SEPHS1: variants seen among roughly 807,000 people sequenced by gnomAD.
The protein encoded by SEPHS1 is zincore component SEPHS1.
In SEPHS1, 7 loss-of-function variants were observed where a neutral mutation model predicts 39.2. That is an observed-to-expected ratio of 0.18 (90% confidence interval 0.10 to 0.34). SEPHS1 has a LOEUF of 0.34. Ranked by LOEUF, SEPHS1 falls within the 10% of genes least tolerant of loss-of-function variation. The pLI is 1.00. For synonymous variants in SEPHS1, 190 were observed against 195.5 expected, an observed-to-expected ratio of 0.97 and a Z score of 0.23; for missense variants, 253 against 514.5, an observed-to-expected ratio of 0.49 and a Z score of 4.92.
chr10:13,333,793 G>C lies in SEPHS1; in HGVS notation c.560+24C>G, dbSNP rs1432856734. On this transcript the variant is annotated intron_variant, in intron 5 of 8. Transcript: ENST00000327347. The stretch of plus-strand genomic sequence containing the variant: ...ACAGAGAGAGAAAAACAGGTCAGGT[G>C]ATATGAAACAAAAATCAACTTACAT... The C allele has an allele frequency of 1.9e-6, 3 of 1,610,598 alleles. No individual in the cohort carries two copies. In the African/African-American group the frequency reaches 4.0e-5, roughly 22 times the overall value.
At chr10:13,324,118 C>T (rs1157391251) in intron 7 of SEPHS1, among the ~76,000 whole-genome samples, 1 of 152,208 alleles carries the variant, frequency 6.6e-6, no homozygotes, top group Non-Finnish European at 1.5e-5. Context: ...CTCTGGCCAC[C>T]ACTGATCCTT....
At chr10:13,332,706 G>A (rs1043516218) in intron 5 of SEPHS1, among the ~76,000 whole-genome samples, 3 of 152,070 alleles carry the variant, frequency 2.0e-5, no homozygotes, top group African/African-American at 7.2e-5. Flanking sequence ...AGCCGGGCAT[G>A]GTGGCAGGTG....
intron 8 of SEPHS1, among the ~76,000 whole-genome samples, chr10:13,321,232 G>C (rs1431332223): frequency 6.7e-6 from 1 of 149,086 alleles, no homozygotes; most frequent in Non-Finnish European, 1.5e-5. Context: ...TGGGAGGCTG[G>C]GGCTAGGCAT....
At chr10:13,322,236 G>A (rs939162954) in intron 8 of SEPHS1, among the ~76,000 whole-genome samples, 4 of 151,436 alleles carry the variant, frequency 2.6e-5, no homozygotes, top group Non-Finnish European at 5.9e-5. Flanking sequence ...CTGTCTCCCA[G>A]GTTCAAGTGA....
intron 1 of SEPHS1, among the ~76,000 whole-genome samples, chr10:13,346,646 G>C (rs201809619): frequency 8.6e-5 from 13 of 151,448 alleles, no homozygotes; most frequent in Non-Finnish European, 1.5e-5. Context: ...CTTGGAAGGC[G>C]TTTTCAACAA....
chr10:13,329,686 T>G lies in SEPHS1; in HGVS notation c.651+12A>C. 6.3e-7 allele frequency: 1 copy of G among 1,588,014 alleles called. No individual in the cohort carries two copies. The highest frequency in any genetic ancestry group is 1.7e-4 in the Middle Eastern group (1 of 6,030). ...ATTCCCCTCCCTCCCATCACAGCAG[T>G]GGTTTACTCACGATATCCAGCCACT... On this transcript the variant is annotated intron_variant, in intron 6 of 8. Transcript: ENST00000327347.
At chr10:13,338,370 A>G (rs1833700342) in intron 3 of SEPHS1, among the ~76,000 whole-genome samples, 1 of 152,216 alleles carries the variant, frequency 6.6e-6, no homozygotes. Flanking sequence ...CCAATGTCAA[A>G]GAAGAGAAGG....
chr10:13,347,481 C>T (rs1394008822), intron 1 of SEPHS1: 1 of 148,562 alleles, frequency 6.7e-6, no homozygotes, highest in Non-Finnish European at 1.5e-5. Flanking sequence ...GCCGGGCCAT[C>T]CCTGTTCGGG....
intron 8 of SEPHS1, among the ~76,000 whole-genome samples, chr10:13,322,277 G>A (rs1175221216): frequency 2.6e-5 from 4 of 151,746 alleles, no homozygotes; most frequent in South Asian, 2.1e-4. Flanking sequence ...AAGCAGCTGG[G>A]ATTAAAGGCA....
chr10:13,322,151 T>C, intron 8 of SEPHS1: 1 of 405,462 alleles, frequency 2.5e-6, no homozygotes, highest in Non-Finnish European at 4.8e-6. Context: ...TTCTTTTTTT[T>C]TTTTTTTTAA....
intron 2 of SEPHS1, among the ~76,000 whole-genome samples, chr10:13,342,800 A>T (rs1042840107): frequency 4.8e-4 from 73 of 151,322 alleles, no homozygotes; most frequent in African/African-American, 1.6e-3. Flanking sequence ...CAGTGGTGTG[A>T]CCTCAGCTCA....
At chr10:13,344,625 T>C (rs1833876842) in intron 2 of SEPHS1, 133 bp downstream of exon 2, 5 of 586,932 alleles carry the variant, frequency 8.5e-6, no homozygotes, top group African/African-American at 1.9e-5. Context: ...CAAAACTGCA[T>C]GTGTATTCCT....
intron 2 of SEPHS1, among the ~76,000 whole-genome samples, chr10:13,341,176 G>A (rs1833772346): frequency 6.6e-6 from 1 of 152,114 alleles, no homozygotes; most frequent in East Asian, 1.9e-4. Flanking sequence ...CACATTTCAA[G>A]GAAGGAAGAG....
At chr10:13,321,676 A>T (rs770370997) in intron 8 of SEPHS1, among the ~76,000 whole-genome samples, 5 of 152,240 alleles carry the variant, frequency 3.3e-5, no homozygotes, top group Non-Finnish European at 7.3e-5. Flanking sequence ...GTAAAGGTAA[A>T]GGGAACAAAG....
intron 2 of SEPHS1, among the ~76,000 whole-genome samples, chr10:13,342,178 G>A (rs1249471535): frequency 2.4e-4 from 36 of 150,806 alleles, no homozygotes; most frequent in Non-Finnish European, 3.5e-4. Flanking sequence ...GAGGCAGGAG[G>A]ATGGCGTGAA....
chr10:13,327,599 G>A (rs746918342), intron 7 of SEPHS1, among the ~76,000 whole-genome samples: 1 of 152,110 alleles, frequency 6.6e-6, no homozygotes, highest in Admixed American at 6.6e-5. Flanking sequence ...ATTAAAAAAC[G>A]CTTTCTAAAC....
rs746552358 is a variant in SEPHS1, at chr10:13,338,699, G to A, written c.297+6C>T. The A allele has an allele frequency of 3.1e-5, 50 of 1,608,666 alleles. 2 individuals carry two copies. The highest frequency in any genetic ancestry group is 2.5e-4 in the South Asian group (23 of 90,962). On this transcript the variant is annotated splice_donor_region_variant and intron_variant, in intron 3 of 8. Transcript: ENST00000327347. ...CAGTCACAAAAACACATCGGCTCAC[G>A]CTTACCATCATGTAAGGGTCGTCTA...
At position 13,317,705 on chromosome 10, in the gene SEPHS1, A is replaced by C. The variant is rs1379021391; in HGVS notation, c.*1437T>G. On this transcript the variant is annotated 3_prime_UTR_variant, in exon 9 of 9. Transcript: ENST00000327347. ...GGGTCATTTCCTTTGGCAAGAAGTCAGTTTACATGTGCAGCTTTGGTGCCT... is the reference window on the plus strand; with the variant it reads ...GGGTCATTTCCTTTGGCAAGAAGTCCGTTTACATGTGCAGCTTTGGTGCCT... 6.6e-6 allele frequency: 1 copy of C among 152,196 alleles called. No individual in the cohort carries two copies. The highest frequency in any genetic ancestry group is 1.5e-5 in the Non-Finnish European group (1 of 68,036). 9.4% of individuals were successfully genotyped at this position (152,196 alleles called of 1,614,324 possible).
At position 13,338,786 on chromosome 10, in the gene SEPHS1, G is replaced by T; in HGVS notation, c.216C>A (p.Val72=). 5 of 1,613,956 alleles carry T rather than the reference G, an allele frequency of 3.1e-6. No individual in the cohort carries two copies. Among genetic ancestry groups the T allele is most frequent in the Non-Finnish European group, 4.2e-6 (5 of 1,179,834 alleles). Reference sequence around the variant, plus strand: ...AAAGCCCACCGTGCCTCAAAGGAATGACACAAGTATCCATTCCAATGCCTG... The same window carrying T: ...AAAGCCCACCGTGCCTCAAAGGAATTACACAAGTATCCATTCCAATGCCTG... ...PRLGIGMDTC[V]IPLRHGGLSL... is the part of the protein sequence containing the mutation. Residue 72 remains valine, a synonymous_variant, in exon 3 of 9, where the codon GTC becomes GTA. Coordinates refer to ENST00000327347, the MANE Select transcript of SEPHS1 (RefSeq NM_012247.5).
Sources: gnomAD v4.1 joint callset for allele counts (sites outside exome capture counted in the v4.1 genomes callset) on GRCh38, gnomAD v4.1.1 for gene constraint, MANE v1.5 for transcripts, NCBI Gene and HGNC (gene_info 2026-07-23, HGNC 2026-07-21) for gene names.